The following GPR139 variants were observed in gnomAD, a reference collection of about 807,000 sequenced individuals.
The protein encoded by GPR139 is G protein-coupled receptor 139.
Under a neutral mutation model 25.8 loss-of-function variants are expected in GPR139, and 12 were observed. The ratio of observed to expected loss-of-function variants is 0.47; its 90% CI spans 0.30 to 0.75. The LOEUF is 0.75. GPR139 is among the 30% of genes least tolerant of loss of function. GPR139 has a pLI of 0.07. For missense variants in GPR139, 380 were observed against 450.2 expected (o/e 0.84, Z 1.41); for synonymous variants, 184 against 179.9 (o/e 1.02, Z -0.18).
At chr16:20,072,819 G>C (rs2057464409) in intron 1 of GPR139, among the ~76,000 whole-genome samples, 1 of 152,196 alleles carries the variant, frequency 6.6e-6, no homozygotes, top group Non-Finnish European at 1.5e-5. Flanking sequence ...AGGAGACTGT[G>C]ACCCCCTGAG....
intron 1 of GPR139, among the ~76,000 whole-genome samples, chr16:20,055,967 A>G (rs1475396343): frequency 6.6e-6 from 1 of 152,270 alleles, no homozygotes; most frequent in Non-Finnish European, 1.5e-5. Flanking sequence ...TGTTTAAAAC[A>G]GTATCTAACA....
Position 20,073,647 on chromosome 16 carries a change from G to C in GPR139, c.-31C>G. On this transcript the variant is annotated 5_prime_UTR_variant, in exon 1 of 2. Coordinates refer to ENST00000570682, the MANE Select transcript of GPR139 (RefSeq NM_001002911.4). This position sits in a 1 kb window ranked among gnomAD's most constrained non-coding sequence, Gnocchi z 4.7. ...CGCCCCTCGCTCCCCTTGCCGCTTC[G>C]CGCCCGGCCTGCCAGCCCGACTCTG... The C allele has an allele frequency of 1.3e-6, 2 of 1,535,004 alleles. No individual in the cohort carries two copies. Among genetic ancestry groups the C allele is most frequent in the African/African-American group, 1.4e-5 (1 of 72,130 alleles).
chr16:20,058,278 T>G (rs2057398354), intron 1 of GPR139, among the ~76,000 whole-genome samples: 1 of 152,096 alleles, frequency 6.6e-6, no homozygotes, highest in Admixed American at 6.6e-5. Context: ...GGAAAGGCAT[T>G]TAGAATGGCT....
At chr16:20,065,874 T>C (rs1311620616) in intron 1 of GPR139, among the ~76,000 whole-genome samples, 1 of 103,160 alleles carries the variant, frequency 9.7e-6, no homozygotes, top group African/African-American at 5.6e-5. Context: ...AGTGAGACTA[T>C]CTCAAAAAAA....
chr16:20,054,976 C>A, intron 1 of GPR139, among the ~76,000 whole-genome samples: 1 of 152,302 alleles, frequency 6.6e-6, no homozygotes, highest in African/African-American at 2.4e-5. Flanking sequence ...GATCCACCCA[C>A]CTCAGCTTCC....
rs1490438746 is a variant in GPR139 at position 20,032,409 on chromosome 16, C to G, written c.388G>C (p.Val130Leu). The G allele has an allele frequency of 2.5e-6, 4 of 1,614,156 alleles. No homozygotes were observed. Among genetic ancestry groups the G allele is most frequent in the African/African-American group, 1.3e-5 (1 of 75,014 alleles). ...VPLTIDRYIA[V>L]CHPLKYHTVS... is the part of the protein sequence containing the mutation. ...GTGTGGTACTTGAGCGGGTGGCAGA[C>G]AGCGATATACCTGTCAATGGTTAAC... The change falls in exon 2 of 2, where the codon GTC becomes CTC. Residue 130 changes from valine (V) to leucine (L), a missense_variant. Transcript: ENST00000570682.
rs188115628 is a variant in GPR139, at chr16:20,045,171, T to C, written c.128-12502A>G. The stretch of plus-strand genomic sequence containing the variant: ...TCTGCCACCACGCTCAGCTAATTTT[T>C]ATATTTTTAGTAGAGACAGGGTTTC... On this transcript the variant is annotated intron_variant, in intron 1 of 1. Coordinates refer to ENST00000570682, the MANE Select transcript of GPR139 (RefSeq NM_001002911.4). 2.5e-3 allele frequency among the ~76,000 whole-genome samples: 382 copies of C among 152,120 alleles called. 3 individuals are homozygous for C. The highest frequency in any genetic ancestry group is 6.1e-3 in the African/African-American group (253 of 41,474).
In GPR139 at chr16:20,073,861, C is replaced by A; in HGVS notation, c.-245G>T. On this transcript the variant is annotated 5_prime_UTR_variant, in exon 1 of 2. Transcript: ENST00000570682. This position sits in a 1 kb window ranked among gnomAD's most constrained non-coding sequence, Gnocchi z 4.7. ...AGGGTGCGGGGCGCGCTGCGCGGGG[C>A]CTCGGGAGGGGCTCCCGGAGCCCGT... 2.2e-6 allele frequency: 1 copy of A among 453,688 alleles called. No individual in the cohort carries two copies. Among genetic ancestry groups the A allele is most frequent in the Non-Finnish European group, 3.8e-6 (1 of 263,012 alleles). The allele number at this position is 453,688 out of a possible 1,614,324, so 28.1% of individuals were successfully genotyped here.
chr16:20,065,539 T>G (rs1427602323), intron 1 of GPR139, among the ~76,000 whole-genome samples: 1 of 152,048 alleles, frequency 6.6e-6, no homozygotes. Context: ...ACCTGAAAAA[T>G]GGGTATAATA....
chr16:20,040,849 G>A (rs1206461850), intron 1 of GPR139, among the ~76,000 whole-genome samples: 1 of 152,136 alleles, frequency 6.6e-6, no homozygotes, highest in Non-Finnish European at 1.5e-5. Flanking sequence ...CTTGAGCACA[G>A]TTGCTCAGTC....
At chr16:20,071,548 A>T (rs1887901161) in intron 1 of GPR139, among the ~76,000 whole-genome samples, 2 of 152,228 alleles carry the variant, frequency 1.3e-5, no homozygotes, top group South Asian at 4.1e-4. Context: ...AGTTGAGGGT[A>T]TGAAGACATC....
chr16:20,065,721 A>C (rs2057430084), intron 1 of GPR139, among the ~76,000 whole-genome samples: 1 of 152,062 alleles, frequency 6.6e-6, no homozygotes, highest in Non-Finnish European at 1.5e-5. Context: ...AAACACAAAA[A>C]AATGAGCAGG....
At chr16:20,055,237 T>C (rs2057384899) in intron 1 of GPR139, among the ~76,000 whole-genome samples, 1 of 152,220 alleles carries the variant, frequency 6.6e-6, no homozygotes, top group South Asian at 2.1e-4. Flanking sequence ...TTGCTAAGGA[T>C]GATGGTCTTT....
At chr16:20,067,182 C>G (rs574137367) in intron 1 of GPR139, among the ~76,000 whole-genome samples, 38 of 152,298 alleles carry the variant, frequency 2.5e-4, no homozygotes, top group South Asian at 6.2e-4. Flanking sequence ...GGAGCGAAAA[C>G]TACAAAAATG....
chr16:20,070,185 T>A (rs1273904781), intron 1 of GPR139, among the ~76,000 whole-genome samples: 1 of 152,228 alleles, frequency 6.6e-6, no homozygotes, highest in African/African-American at 2.4e-5. Flanking sequence ...TTCGTTTTTC[T>A]GAGTCTCAGT....
At chr16:20,070,513 C>A (rs114177382) in intron 1 of GPR139, among the ~76,000 whole-genome samples, 474 of 152,326 alleles carry the variant, frequency 3.1e-3, no homozygotes, top group African/African-American at 0.011. Context: ...CGATCCTACA[C>A]CAACCAGTTA....
chr16:20,037,330 T>C (rs1261832166), intron 1 of GPR139, among the ~76,000 whole-genome samples: 1 of 151,560 alleles, frequency 6.6e-6, no homozygotes, highest in African/African-American at 2.4e-5. Flanking sequence ...TGGGTGCCTA[T>C]AATCGCAGCT....
At chr16:20,064,440 C>T (rs2057424525) in intron 1 of GPR139, among the ~76,000 whole-genome samples, 1 of 152,086 alleles carries the variant, frequency 6.6e-6, no homozygotes, top group Non-Finnish European at 1.5e-5. Context: ...GAGGCTGAGG[C>T]AGGAGGATCA....
intron 1 of GPR139, among the ~76,000 whole-genome samples, chr16:20,049,181 A>G (rs963663502): frequency 3.3e-5 from 5 of 152,134 alleles, no homozygotes; most frequent in Admixed American, 2.0e-4. Context: ...AAGAGTATGC[A>G]CTCCATCAAT....
Sources: gnomAD v4.1 joint callset for allele counts (sites outside exome capture counted in the v4.1 genomes callset) on GRCh38, gnomAD v4.1.1 for gene constraint, Gnocchi (gnomAD v3.1) non-coding constraint, MANE v1.5 for transcripts, NCBI Gene and HGNC (gene_info 2026-07-23, HGNC 2026-07-21) for gene names.